The following PTPRM variants were observed in gnomAD, a reference collection of about 807,000 sequenced individuals.
PTPRM encodes receptor-type tyrosine-protein phosphatase mu.
In PTPRM, 47 loss-of-function variants were observed where a neutral mutation model predicts 186.7. The ratio of observed to expected loss-of-function variants is 0.25; its 90% CI spans 0.20 to 0.32. PTPRM has a LOEUF of 0.32. Ranked by LOEUF, PTPRM falls within the 10% of genes least tolerant of loss-of-function variation. The pLI, the probability that PTPRM is intolerant of heterozygous loss-of-function variation, is 1.00. For synonymous variants in PTPRM, 668 were observed against 674.9 expected, an observed-to-expected ratio of 0.99 and a Z score of 0.16; for missense variants, 1,494 against 1,865.0, an observed-to-expected ratio of 0.80 and a Z score of 3.66.
intron 1 of PTPRM, among the ~76,000 whole-genome samples, chr18:7,606,434 G>A (rs369239900): frequency 1.1e-3 from 165 of 152,214 alleles, no homozygotes; most frequent in East Asian, 1.7e-3. Context: ...AGACCTGTGC[G>A]GTTGGAGAGC....
intron 14 of PTPRM, among the ~76,000 whole-genome samples, chr18:8,214,002 C>T (rs111633993): frequency 0.1 from 15,787 of 152,108 alleles, 1,045 homozygotes; most frequent in Non-Finnish European, 0.15. Flanking sequence ...AATGAAGTAA[C>T]TCAGGAATGG....
intron 11 of PTPRM, among the ~76,000 whole-genome samples, chr18:8,098,743 C>T (rs1358125314): frequency 2.6e-5 from 4 of 152,160 alleles, no homozygotes; most frequent in African/African-American, 9.7e-5. Flanking sequence ...CTTCTCACCT[C>T]TTGAGGACAG....
intron 4 of PTPRM, among the ~76,000 whole-genome samples, chr18:7,909,123 G>A (rs903096419): frequency 1.4e-4 from 22 of 152,192 alleles, no homozygotes; most frequent in Admixed American, 3.9e-4. Flanking sequence ...CTGGCCACTA[G>A]CCAGCATAAG....
At chr18:7,771,802 C>G (rs1376083017) in intron 1 of PTPRM, among the ~76,000 whole-genome samples, 1 of 152,134 alleles carries the variant, frequency 6.6e-6, no homozygotes. Context: ...GCAGACAACA[C>G]AAAACTAGGT....
intron 2 of PTPRM, among the ~76,000 whole-genome samples, chr18:7,870,465 G>A (rs1032748364): frequency 9.2e-5 from 14 of 152,134 alleles, no homozygotes; most frequent in African/African-American, 2.9e-4. Context: ...ATATGGTTGA[G>A]TACAGGCTGT....
intron 14 of PTPRM, among the ~76,000 whole-genome samples, chr18:8,218,975 G>T (rs1176890060): frequency 6.6e-6 from 1 of 152,170 alleles, no homozygotes; most frequent in Admixed American, 6.5e-5. Flanking sequence ...AGAGTGTGGA[G>T]GGAAACTGAT....
chr18:8,366,669 T>G (rs1445291863), intron 23 of PTPRM, among the ~76,000 whole-genome samples: 4 of 152,198 alleles, frequency 2.6e-5, no homozygotes, highest in Non-Finnish European at 5.9e-5. Context: ...TTAAAGCCAA[T>G]AAGGATCACC....
chr18:8,203,691 C>A (rs570546564), intron 14 of PTPRM, among the ~76,000 whole-genome samples: 3 of 152,078 alleles, frequency 2.0e-5, no homozygotes, highest in Non-Finnish European at 2.9e-5. Context: ...AACTTTCAAA[C>A]GGTTTGGCAA....
intron 1 of PTPRM, among the ~76,000 whole-genome samples, chr18:7,697,089 AC>A (rs1435265454): frequency 6.6e-6 from 1 of 152,206 alleles, no homozygotes; most frequent in African/African-American, 2.4e-5. Flanking sequence ...GTTAGCATAT[AC>A]CAAACAGCAT....
At chr18:8,283,549 T>C (rs2094926105) in intron 19 of PTPRM, among the ~76,000 whole-genome samples, 1 of 152,198 alleles carries the variant, frequency 6.6e-6, no homozygotes, top group African/African-American at 2.4e-5. Context: ...ACATTTTGGG[T>C]AAAAATTTTA....
At chr18:7,711,774 C>T (rs1173994442) in intron 1 of PTPRM, among the ~76,000 whole-genome samples, 1 of 152,128 alleles carries the variant, frequency 6.6e-6, no homozygotes, top group Non-Finnish European at 1.5e-5. Flanking sequence ...AGCCAGATTG[C>T]CTCCCTAAAT....
At chr18:8,192,336 A>G (rs2093720654) in intron 14 of PTPRM, among the ~76,000 whole-genome samples, 1 of 152,194 alleles carries the variant, frequency 6.6e-6, no homozygotes, top group South Asian at 2.1e-4. Flanking sequence ...CCACTCCCCA[A>G]TAAAAGAAAC....
At chr18:8,147,571 G>A (rs506937) in intron 14 of PTPRM, among the ~76,000 whole-genome samples, 151,920 of 152,338 alleles carry the variant, frequency 1, 75,752 homozygotes, top group Middle Eastern at 1. Context: ...TTTTCTAAAT[G>A]CACAATCATG....
intron 32 of PTPRM, among the ~76,000 whole-genome samples, chr18:8,401,274 G>A (rs1364187419): frequency 6.6e-6 from 1 of 152,178 alleles, no homozygotes; most frequent in Non-Finnish European, 1.5e-5. Flanking sequence ...ATTTTGCAGG[G>A]GGCTTTGGTG....
At chr18:8,085,940 T>C in intron 10 of PTPRM, 68 bp downstream of exon 10, 1 of 1,467,812 alleles carries the variant, frequency 6.8e-7, no homozygotes. Context: ...ATTCCCATTG[T>C]CAAGTATGCC....
chr18:8,071,355 T>C (rs1600393457), intron 8 of PTPRM, among the ~76,000 whole-genome samples: 1 of 152,356 alleles, frequency 6.6e-6, no homozygotes, highest in East Asian at 1.9e-4. Flanking sequence ...TCTGTCAATT[T>C]CCATTGGCTG....
At chr18:8,078,692 C>T (rs1486109915) in intron 9 of PTPRM, among the ~76,000 whole-genome samples, 1 of 152,184 alleles carries the variant, frequency 6.6e-6, no homozygotes, top group African/African-American at 2.4e-5. Context: ...AGAGGTTTAA[C>T]TGGCTTATGC....
intron 7 of PTPRM, among the ~76,000 whole-genome samples, chr18:8,037,430 A>G (rs2086402406): frequency 6.6e-6 from 1 of 152,168 alleles, no homozygotes; most frequent in Non-Finnish European, 1.5e-5. Context: ...TATTTAATTA[A>G]TGAGACAGTA....
At chr18:8,266,334 C>T (rs8094757) in intron 19 of PTPRM, among the ~76,000 whole-genome samples, 29,300 of 145,148 alleles carry the variant, frequency 0.2, 3,272 homozygotes, top group African/African-American at 0.31. Context: ...TTTGTTCTTT[C>T]GCTCTTCACT....
Sources: allele counts gnomAD v4.1 joint callset (sites outside exome capture counted in the v4.1 genomes callset), GRCh38; gene constraint gnomAD v4.1.1; transcripts MANE v1.5; gene names NCBI Gene and HGNC (gene_info 2026-07-23, HGNC 2026-07-21).